Variants in SLC7A10 observed in about 807,000 individuals in gnomAD.
SLC7A10 encodes solute carrier family 7 member 10.
SLC7A10 carries 30 observed loss-of-function variants against 52.7 expected under a neutral mutation model. The observed-to-expected ratio is 0.57, with a 90% confidence interval of 0.43 to 0.77. SLC7A10 has a LOEUF of 0.77. Ranked by LOEUF, SLC7A10 falls within the 30% of genes least tolerant of loss-of-function variation. The pLI is 0.00. For synonymous variants in SLC7A10, 318 were observed against 314.9 expected (o/e 1.01, Z -0.10); for missense variants, 581 against 698.5 (o/e 0.83, Z 1.90).
chr19:33,209,211 G>T, intron 10 of SLC7A10, 97 bp downstream of exon 10: 2 of 1,557,794 alleles, frequency 1.3e-6, no homozygotes, highest in East Asian at 4.5e-5. Flanking sequence ...CACCTCAGCT[G>T]CTAGGACACC....
chr19:33,212,212 A>G (rs1196499930), intron 5 of SLC7A10, 80 bp downstream of exon 5: 38 of 1,543,216 alleles, frequency 2.5e-5, no homozygotes, highest in Non-Finnish European at 3.3e-5. Context: ...CTTGGGTGGC[A>G]GTGGGGCTGG....
Position 33,209,420 on chromosome 19 carries a change from G to C in SLC7A10, c.1329C>G (p.Ile443Met). The C allele has an allele frequency of 6.2e-7, 1 of 1,614,068 alleles. No homozygotes were observed. Among genetic ancestry groups the C allele is most frequent in the Non-Finnish European group, 8.5e-7 (1 of 1,180,016 alleles). Residue 443 changes from isoleucine (I) to methionine (M), a missense_variant, in exon 10 of 11, where the codon ATC becomes ATG. Ile to Met is a conservative substitution (Grantham distance 10, BLOSUM62 1). Coordinates refer to ENST00000253188, the MANE Select transcript of SLC7A10 (RefSeq NM_019849.3). The stretch of plus-strand genomic sequence containing the variant: ...CGACCCCACAGACCATAGGCTCTGA[G>C]ATGAAGCTGAAGACCAGCAGGAAGG... ...FWAFLLVFSF[I>M]SEPMVCGVGV...
chr19:33,215,588 C>T (rs1188323212), intron 2 of SLC7A10, among the ~76,000 whole-genome samples, 181 bp downstream of exon 2: 1 of 142,428 alleles, frequency 7.0e-6, no homozygotes, highest in Non-Finnish European at 1.6e-5. Flanking sequence ...CCAGCACCCC[C>T]ACACCTTCTC....
chr19:33,215,359 C>T (rs1276844003), intron 2 of SLC7A10, among the ~76,000 whole-genome samples: 1 of 151,810 alleles, frequency 6.6e-6, no homozygotes, highest in Non-Finnish European at 1.5e-5. Context: ...TATGGGTTTA[C>T]CAAAATTGAG....
intron 1 of SLC7A10, 30 bp downstream of exon 1, chr19:33,225,523 C>T (rs1974903735): frequency 1.3e-6 from 2 of 1,593,796 alleles, no homozygotes; most frequent in Non-Finnish European, 1.7e-6. Context: ...CGGCCTCCGC[C>T]CGGCGCCCGC....
rs1342465891 is a variant in SLC7A10, at chr19:33,225,492, G to A, written c.151+61C>T. The A allele has an allele frequency of 1.9e-6, 3 of 1,576,002 alleles. No individual in the cohort carries two copies. The African/African-American group carries it at 4.0e-5, about 21-fold the overall frequency. ...CCCGGAGAGGGGACGCCCCTCGTTC[G>A]GAGCGGCTGCGCCCCTCATTCGGCC... On this transcript the variant is annotated intron_variant, in intron 1 of 10. Coordinates refer to ENST00000253188, the MANE Select transcript of SLC7A10 (RefSeq NM_019849.3).
intron 5 of SLC7A10, 138 bp downstream of exon 5, chr19:33,212,154 C>A: frequency 2.3e-6 from 3 of 1,278,550 alleles, no homozygotes; most frequent in Non-Finnish European, 3.3e-6. Flanking sequence ...CTTCCCAGGG[C>A]CATTTTTGCA....
At chr19:33,216,795 G>A (rs1258947614) in intron 1 of SLC7A10, among the ~76,000 whole-genome samples, 1 of 152,172 alleles carries the variant, frequency 6.6e-6, no homozygotes, top group African/African-American at 2.4e-5. Context: ...GATCAGGCTG[G>A]TCTCGAACTC....
chr19:33,216,049 T>G, intron 1 of SLC7A10, 76 bp from the exon 2 acceptor site: 1 of 1,348,856 alleles, frequency 7.4e-7, no homozygotes, highest in Non-Finnish European at 1.0e-6. Context: ...GGGATCTGCC[T>G]GCTGCCAGGA....
rs774930247 is a variant in SLC7A10 at position 33,209,004 on chromosome 19, C to A, written c.1459G>T (p.Gly487Cys). The A allele has an allele frequency of 2.5e-6, 4 of 1,613,732 alleles. No homozygotes were observed. In the South Asian group the frequency reaches 4.4e-5, roughly 18 times the overall value. The change falls in exon 11 of 11, where the codon GGC (glycine) becomes TGC (cysteine). Residue 487 changes from glycine to cysteine, a missense_variant. Coordinates refer to ENST00000253188, the MANE Select transcript of SLC7A10 (RefSeq NM_019849.3). The stretch of plus-strand genomic sequence containing the variant: ...TAGACCACGAAACACAGCTCCTGGC[C>A]CCAGTGTGTCATGGACTCTGAGGAC... ...HRLTESMTHW[G>C]QELCFVVYPQ...
intron 7 of SLC7A10, 119 bp from the exon 8 acceptor site, chr19:33,211,017 A>T: frequency 9.5e-7 from 1 of 1,056,028 alleles, no homozygotes. Flanking sequence ...CCCACTGGAC[A>T]GTTCTCCCCC....
chr19:33,221,634 G>A (rs1974813624), intron 1 of SLC7A10, among the ~76,000 whole-genome samples: 1 of 152,210 alleles, frequency 6.6e-6, no homozygotes, highest in African/African-American at 2.4e-5. Flanking sequence ...ACCCCTCTGG[G>A]AAGCCCAGCC....
In SLC7A10 at chr19:33,210,531, C is replaced by T; in HGVS notation, c.1199G>A (p.Gly400Asp). The T allele has an allele frequency of 6.2e-7, 1 of 1,611,164 alleles. No individual in the cohort carries two copies. ...YVSFINYLCY[G>D]VTILGLLLLR... is the part of the protein sequence containing the mutation. Reference sequence around the variant, plus strand: ...CAGCAGCAGGCCCAGGATGGTGACGCCGTAGCAGAGGTAGTTGATGAAGGA... The same window carrying T: ...CAGCAGCAGGCCCAGGATGGTGACGTCGTAGCAGAGGTAGTTGATGAAGGA... Residue 400 changes from glycine (G) to aspartate (D), a missense_variant, in exon 9 of 11, where the codon GGC (glycine) becomes GAC (aspartate). Physicochemically the swap from Gly to Asp is moderately conservative, Grantham distance 94. Transcript: ENST00000253188. This position sits in a 1 kb window ranked among gnomAD's most constrained non-coding sequence, Gnocchi z 5.6.
In SLC7A10 at chr19:33,218,979, G is replaced by A. The variant is rs1974756999; in HGVS notation, c.152-3006C>T. On this transcript the variant is annotated intron_variant, in intron 1 of 10. Transcript: ENST00000253188. ...GCCGTTGGGGGAACCTGGTTTAGAG[G>A]GGCAGGAACTCAGAGTGGAACAGGA... Among the ~76,000 whole-genome samples, 3 of 151,900 alleles carry A rather than the reference G, an allele frequency of 2.0e-5. No individual in the cohort carries two copies. In the South Asian group the frequency reaches 6.2e-4, roughly 32 times the overall value.
intron 2 of SLC7A10, among the ~76,000 whole-genome samples, chr19:33,214,312 T>A (rs533193388): frequency 6.6e-6 from 1 of 151,926 alleles, no homozygotes; most frequent in Non-Finnish European, 1.5e-5. Flanking sequence ...AACCAAACTT[T>A]GTAAATTTCA....
intron 2 of SLC7A10, among the ~76,000 whole-genome samples, chr19:33,215,244 G>T (rs1314958162): frequency 2.0e-5 from 3 of 148,992 alleles, no homozygotes; most frequent in Non-Finnish European, 4.4e-5. Context: ...CTCCAGCCTG[G>T]GCAACAGAGC....
chr19:33,213,505 G>T (rs1421691165), intron 2 of SLC7A10, among the ~76,000 whole-genome samples: 1 of 152,156 alleles, frequency 6.6e-6, no homozygotes, highest in Non-Finnish European at 1.5e-5. Context: ...AGCCAGGATG[G>T]TCTTGATCTC....
At position 33,221,941 on chromosome 19, in the gene SLC7A10, C is replaced by T. The variant is rs1038107381; in HGVS notation, c.151+3612G>A. On this transcript the variant is annotated intron_variant, in intron 1 of 10. Coordinates refer to ENST00000253188, the MANE Select transcript of SLC7A10 (RefSeq NM_019849.3). ...GTATGAGAGGCCCTGTGAGTCCAGC[C>T]GCCGATGGGGAGGCAGACTTCCCTG... Among the ~76,000 whole-genome samples the T allele has an allele frequency of 7.2e-5, 11 of 152,214 alleles. No individual in the cohort carries two copies. In the East Asian group the frequency reaches 1.7e-3, roughly 24 times the overall value.
Position 33,210,566 on chromosome 19 carries a change from G to A in SLC7A10, c.1164C>T (p.Ile388=). ...GGTAGTTGATGAAGGACACATAGTT[G>A]ATGAGCGTGTACGTGTCGCCCACGA... ...IMLVGDTYTL[I]NYVSFINYLC... is the part of the protein sequence containing the mutation. Residue 388 remains isoleucine, a synonymous_variant, in exon 9 of 11, where the codon ATC becomes ATT. Coordinates refer to ENST00000253188, the MANE Select transcript of SLC7A10 (RefSeq NM_019849.3). The surrounding 1 kb of genome is among the most constrained non-coding windows in gnomAD (Gnocchi z 5.6). 6.2e-7 allele frequency: 1 copy of A among 1,612,214 alleles called. No homozygotes were observed. Among genetic ancestry groups the A allele is most frequent in the African/African-American group, 1.3e-5 (1 of 75,074 alleles).
Sources: gnomAD v4.1 joint callset for allele counts (sites outside exome capture counted in the v4.1 genomes callset) on GRCh38, gnomAD v4.1.1 for gene constraint, Gnocchi (gnomAD v3.1) non-coding constraint, MANE v1.5 for transcripts, NCBI Gene and HGNC (gene_info 2026-07-23, HGNC 2026-07-21) for gene names.